ATXN7L3: variants seen among roughly 807,000 people sequenced by gnomAD.
ATXN7L3 encodes the protein ataxin-7-like protein 3.
A neutral mutation model predicts 50.0 loss-of-function variants in ATXN7L3; 6 were observed. The observed-to-expected ratio is 0.12, with a 90% CI of 0.07 to 0.24. The LOEUF is 0.24. Among genes scored for constraint, ATXN7L3 ranks in the 10% least tolerant of loss-of-function variants. ATXN7L3 has a pLI of 1.00. For missense variants in ATXN7L3, 322 were observed against 451.3 expected (o/e 0.71, Z 2.60); for synonymous variants, 198 against 165.8 (o/e 1.19, Z -1.49).
intron 7 of ATXN7L3, 101 bp downstream of exon 7, chr17:44,195,933 C>T: frequency 1.3e-6 from 2 of 1,562,574 alleles, no homozygotes; most frequent in Non-Finnish European, 1.7e-6. Context: ...GATCACAGGC[C>T]CTCCCTCAAT....
In ATXN7L3 at chr17:44,195,540, A is replaced by G. The variant is rs933183574; in HGVS notation, c.553-53T>C. The G allele has an allele frequency of 2.4e-5, 37 of 1,545,060 alleles. No homozygotes were observed. The Admixed American group carries it at 3.0e-4, about 13-fold the overall frequency. On this transcript the variant is annotated intron_variant, in intron 8 of 12. Transcript: ENST00000587097. ...GAGATGGGGCAGAGAAAAGAGAAGG[A>G]CAGGGGTGGAAGTGAGAATCAGTCC...
intron 1 of ATXN7L3, 117 bp downstream of exon 1, chr17:44,199,379 G>A (rs1445206390): frequency 6.6e-6 from 1 of 150,486 alleles, no homozygotes; most frequent in Non-Finnish European, 1.5e-5. Context: ...CGGGGGGAGG[G>A]GAAGGGGCGC....
chr17:44,194,071 C>T lies in ATXN7L3; in HGVS notation c.*192G>A, dbSNP rs1389239157. 15 of 680,830 alleles carry T rather than the reference C, an allele frequency of 2.2e-5. No homozygotes were observed. The highest frequency in any genetic ancestry group is 7.2e-5 in the African/African-American group (4 of 55,450). 42.2% of individuals were successfully genotyped at this position (680,830 alleles called of 1,614,324 possible). On this transcript the variant is annotated 3_prime_UTR_variant, in exon 13 of 13. Coordinates refer to ENST00000587097, the MANE Select transcript of ATXN7L3 (RefSeq NM_001382309.1). ...ATGTCCAGGTCTGAGTCCTGCACGC[C>T]GAGGAGTCGTGCTCCATTGCAGAGG...
At chr17:44,199,374 G>A (rs2056058398) in intron 1 of ATXN7L3, 122 bp downstream of exon 1, 1 of 150,790 alleles carries the variant, frequency 6.6e-6, no homozygotes, top group African/African-American at 2.4e-5. Flanking sequence ...CGGCCCGGGG[G>A]GAGGGGAAGG....
At position 44,194,794 on chromosome 17, in the gene ATXN7L3, T is replaced by A. The variant is rs1238374587; in HGVS notation, c.711A>T (p.Val237=). 6.2e-7 allele frequency: 1 copy of A among 1,614,004 alleles called. No homozygotes were observed. Among genetic ancestry groups the A allele is most frequent in the Non-Finnish European group, 8.5e-7 (1 of 1,180,012 alleles). The change falls in exon 11 of 13, where the codon GTA becomes GTT. Residue 237 remains valine, a synonymous_variant. Transcript: ENST00000587097. ...PQHTDEQRRT[V]RIYFLGPSAV... The stretch of plus-strand genomic sequence containing the variant: ...CCGAGGGCCCGAGAAAATAAATCCG[T>A]ACGGTTCGCCTCTGCTCATCTGTGT...
intron 1 of ATXN7L3, chr17:44,199,197 T>G (rs564571645): frequency 6.8e-5 from 10 of 147,230 alleles, no homozygotes; most frequent in African/African-American, 2.5e-4. Context: ...GGGAGAGGAG[T>G]CCGGGAGGGT....
chr17:44,195,030 C>A, intron 10 of ATXN7L3, 67 bp downstream of exon 10: 5 of 1,580,880 alleles, frequency 3.2e-6, no homozygotes, highest in Non-Finnish European at 4.3e-6. Flanking sequence ...TCCAGGGGTA[C>A]TCCCAACCCA....
intron 8 of ATXN7L3, 64 bp downstream of exon 8, chr17:44,195,736 C>T: frequency 6.5e-7 from 1 of 1,527,552 alleles, no homozygotes; most frequent in South Asian, 1.1e-5. Flanking sequence ...CCCTACTTGT[C>T]CAAATCCCCA....
Position 44,192,953 on chromosome 17 carries a change from C to T in ATXN7L3, c.*1310G>A, listed in dbSNP as rs1598192913. On this transcript the variant is annotated 3_prime_UTR_variant, in exon 13 of 13. Coordinates refer to ENST00000587097, the MANE Select transcript of ATXN7L3 (RefSeq NM_001382309.1). The stretch of plus-strand genomic sequence containing the variant: ...AGTCAGCTCTGCTCCCAGCCCAGGT[C>T]GCGGTCCTCCAGCTTGGCTCCTGGG... 3 of 152,588 alleles carry T rather than the reference C, an allele frequency of 2.0e-5. No individual in the cohort carries two copies. The highest frequency in any genetic ancestry group is 7.2e-5 in the African/African-American group (3 of 41,566). The allele number at this position is 152,588 out of a possible 1,614,324, so 9.5% of individuals were successfully genotyped here. A position where few individuals can be genotyped will look rare whatever the true frequency, so the allele number is the denominator to read the frequency against.
At position 44,197,031 on chromosome 17, in the gene ATXN7L3, C is replaced by G; in HGVS notation, c.357-5G>C. On this transcript the variant is annotated splice_region_variant and splice_polypyrimidine_tract_variant and intron_variant, in intron 4 of 12. Coordinates refer to ENST00000587097, the MANE Select transcript of ATXN7L3 (RefSeq NM_001382309.1). ...ATATTGTTGCTATTGGCAATCCTGC[C>G]AAGGGGAGGGAAGAGAAAGGGGCCA... 2 of 1,607,838 alleles carry G rather than the reference C, an allele frequency of 1.2e-6. No individual in the cohort carries two copies. Among genetic ancestry groups the G allele is most frequent in the Non-Finnish European group, 1.7e-6 (2 of 1,174,630 alleles).
intron 10 of ATXN7L3, 102 bp from the exon 11 acceptor site, chr17:44,194,941 C>T: frequency 2.0e-6 from 3 of 1,477,126 alleles, no homozygotes; most frequent in Non-Finnish European, 2.8e-6. Context: ...GGGGTGAATG[C>T]AGATTCATCC....
chr17:44,192,185 C>G lies in ATXN7L3; in HGVS notation c.*2078G>C, dbSNP rs1024607765. The G allele has an allele frequency of 3.1e-5, 4 of 130,368 alleles. No individual in the cohort carries two copies. The highest frequency in any genetic ancestry group is 1.2e-4 in the African/African-American group (4 of 32,470). The allele number at this position is 130,368 out of a possible 1,614,324, so 8.1% of individuals were successfully genotyped here. On this transcript the variant is annotated 3_prime_UTR_variant, in exon 13 of 13. Coordinates refer to ENST00000587097, the MANE Select transcript of ATXN7L3 (RefSeq NM_001382309.1). ...GGGAGGGGAGTGGGGAGCTCCTAGC[C>G]CCTGTTCAACTACATGGTAGGGGGG...
chr17:44,196,539 G>A (rs1027984053), intron 5 of ATXN7L3, 121 bp from the exon 6 acceptor site: 25 of 1,291,356 alleles, frequency 1.9e-5, no homozygotes, highest in African/African-American at 3.0e-5. Flanking sequence ...CAGCACTTTG[G>A]GAGGCCCAGG....
intron 3 of ATXN7L3, 78 bp downstream of exon 3, chr17:44,197,520 A>G: frequency 1.2e-6 from 2 of 1,606,012 alleles, no homozygotes; most frequent in Non-Finnish European, 1.7e-6. Context: ...TGCTACATCT[A>G]GCACAGTTTC....
chr17:44,196,047 T>C lies in ATXN7L3; in HGVS notation c.510A>G (p.Leu170=). 2 of 1,612,748 alleles carry C rather than the reference T, an allele frequency of 1.2e-6. No individual in the cohort carries two copies. Residue 170 remains leucine (L), a synonymous_variant, in exon 7 of 13, where the codon TTA becomes TTG. Coordinates refer to ENST00000587097, the MANE Select transcript of ATXN7L3 (RefSeq NM_001382309.1). ...NPNSPRRSKS[L]KHKNGELSNS... is the part of the protein sequence containing the mutation. Reference sequence around the variant, plus strand: ...GGCTCCACTTACCATTTTTGTGTTTTAATGACTTGGATCTTCGAGGGGAAT... The same window carrying C: ...GGCTCCACTTACCATTTTTGTGTTTCAATGACTTGGATCTTCGAGGGGAAT...
At position 44,192,206 on chromosome 17, in the gene ATXN7L3, G is replaced by GGA. The variant is rs1555571518; in HGVS notation, c.*2056_*2057insTC. 2.0e-5 allele frequency: 3 copies of GGA among 152,016 alleles called. No homozygotes were observed. The highest frequency in any genetic ancestry group is 4.8e-5 in the African/African-American group (2 of 41,332). 9.4% of individuals were successfully genotyped at this position (152,016 alleles called of 1,614,324 possible). A position where few individuals can be genotyped will look rare whatever the true frequency, so the allele number is the denominator to read the frequency against. On this transcript the variant is annotated 3_prime_UTR_variant, in exon 13 of 13. Coordinates refer to ENST00000587097, the MANE Select transcript of ATXN7L3 (RefSeq NM_001382309.1). Reference sequence around the variant, plus strand: ...TAGCCCCTGTTCAACTACATGGTAGGGGGGGCACTCTCTCCCCAGAAGGAA... The same window carrying GGA: ...TAGCCCCTGTTCAACTACATGGTAGGGAGGGGGCACTCTCTCCCCAGAAGGAA...
At chr17:44,194,880 G>A in intron 10 of ATXN7L3, 41 bp from the exon 11 acceptor site, 1 of 1,606,558 alleles carries the variant, frequency 6.2e-7, no homozygotes, top group Non-Finnish European at 8.5e-7. Flanking sequence ...GAGGAACTCA[G>A]GTAAAGCCCC....
intron 8 of ATXN7L3, among the ~76,000 whole-genome samples, 155 bp downstream of exon 8, chr17:44,195,645 A>G (rs766659437): frequency 3.6e-4 from 55 of 152,162 alleles, no homozygotes; most frequent in Non-Finnish European, 6.5e-4. Context: ...CTGCCAATGG[A>G]TAAGGGGTGG....
At chr17:44,196,777 C>CAAAAAA (rs34885873) in intron 5 of ATXN7L3, 152 bp downstream of exon 5, 37 of 237,736 alleles carry the variant, frequency 1.6e-4, no homozygotes, top group East Asian at 2.8e-4. Flanking sequence ...GAATCCATCT[C>CAAAAAA]AAAAAAAAAA....
Sources: allele counts gnomAD v4.1 joint callset (sites outside exome capture counted in the v4.1 genomes callset), GRCh38; gene constraint gnomAD v4.1.1; transcripts MANE v1.5; gene names NCBI Gene and HGNC (gene_info 2026-07-23, HGNC 2026-07-21).